CYP2J2: variants seen among roughly 807,000 people sequenced by gnomAD.
CYP2J2 encodes the protein cytochrome P450 family 2 subfamily J member 2, also known as cytochrome P450 2J2.
In CYP2J2, 41 loss-of-function variants were observed where a neutral mutation model predicts 48.8. That is an observed-to-expected ratio of 0.84 (90% confidence interval 0.66 to 1.09). CYP2J2 has a LOEUF of 1.09. CYP2J2 is among the 50% of genes least tolerant of loss of function. The pLI, the probability that CYP2J2 is intolerant of heterozygous loss-of-function variation, is 0.00. For missense variants in CYP2J2, 644 were observed against 617.3 expected (o/e 1.04, Z -0.46); for synonymous variants, 221 against 227.1 (o/e 0.97, Z 0.24).
chr1:59,952,003 T>C, the CYP2J2 span, among the ~76,000 whole-genome samples: 1 of 152,184 alleles, frequency 6.6e-6, no homozygotes, highest in Non-Finnish European at 1.5e-5. Context: ...GTCTGTTTTG[T>C]TCATTGTTGA....
chr1:59,933,916 A>G, the CYP2J2 span, among the ~76,000 whole-genome samples: 2 of 152,178 alleles, frequency 1.3e-5, no homozygotes, highest in Non-Finnish European at 2.9e-5. Flanking sequence ...CCTACAAAAG[A>G]CCCTGAAAAA....
chr1:59,936,195 G>A, the CYP2J2 span, among the ~76,000 whole-genome samples: 555 of 152,302 alleles, frequency 3.6e-3, 1 homozygote, highest in African/African-American at 0.012. Flanking sequence ...AGATGTAGGT[G>A]CTATTGTCTT....
upstream of CYP2J2, among the ~76,000 whole-genome samples, chr1:59,928,519 T>G (rs745316117): frequency 6.6e-6 from 1 of 152,202 alleles, no homozygotes; most frequent in Non-Finnish European, 1.5e-5. Context: ...AGCTCTCAAA[T>G]GAAGGCTACA....
the CYP2J2 span, among the ~76,000 whole-genome samples, chr1:59,934,284 A>G: frequency 6.6e-6 from 1 of 152,204 alleles, no homozygotes. Context: ...TAAAGCTCCT[A>G]GAAGAAAACA....
chr1:59,955,174 TAAAAA>T, the CYP2J2 span, among the ~76,000 whole-genome samples: 2 of 147,610 alleles, frequency 1.4e-5, no homozygotes, highest in African/African-American at 2.5e-5. Flanking sequence ...AATAAATAAT[TAAAAA>T]AATAAAAAAT....
intron 4 of CYP2J2, among the ~76,000 whole-genome samples, 196 bp from the exon 5 acceptor site, chr1:59,910,156 G>GA (rs1644399560): frequency 1.3e-5 from 2 of 151,806 alleles, no homozygotes; most frequent in African/African-American, 2.4e-5. Flanking sequence ...TCCAGCCTTG[G>GA]ACCATTTCTC....
intron 2 of CYP2J2, among the ~76,000 whole-genome samples, chr1:59,914,923 G>T (rs1834512): frequency 0.11 from 17,342 of 152,248 alleles, 1,209 homozygotes; most frequent in Admixed American, 0.17. Flanking sequence ...TTTGTTCAAT[G>T]CTGAGATAGG....
At chr1:59,916,834 A>T (rs904400704) in intron 1 of CYP2J2, among the ~76,000 whole-genome samples, 1 of 152,062 alleles carries the variant, frequency 6.6e-6, no homozygotes, top group African/African-American at 2.4e-5. Flanking sequence ...AACACTAATC[A>T]TGTCTCAGCC....
At chr1:59,910,107 C>A (rs1644399156) in intron 4 of CYP2J2, 147 bp from the exon 5 acceptor site, 3 of 618,394 alleles carry the variant, frequency 4.9e-6, no homozygotes, top group Middle Eastern at 3.5e-4. Context: ...TCTCTCTCAC[C>A]TCTCTAGCAA....
chr1:59,955,279 C>CAT, the CYP2J2 span, among the ~76,000 whole-genome samples: 4 of 103,968 alleles, frequency 3.8e-5, no homozygotes, highest in Non-Finnish European at 6.3e-5. Flanking sequence ...TATATATATC[C>CAT]ATATATATAT....
the CYP2J2 span, among the ~76,000 whole-genome samples, chr1:59,950,553 G>T: frequency 6.6e-6 from 1 of 152,278 alleles, no homozygotes; most frequent in African/African-American, 2.4e-5. Context: ...GCCATCTCTT[G>T]CAGTAATGAG....
the CYP2J2 span, among the ~76,000 whole-genome samples, chr1:59,934,001 A>G: frequency 6.6e-6 from 1 of 152,202 alleles, no homozygotes; most frequent in African/African-American, 2.4e-5. Context: ...TACAAACTAC[A>G]GTAACCAAAT....
chr1:59,899,094 A>C (rs1307238754), intron 8 of CYP2J2, among the ~76,000 whole-genome samples: 1 of 152,158 alleles, frequency 6.6e-6, no homozygotes, highest in Middle Eastern at 3.2e-3. Context: ...TCCTCTCATC[A>C]CGGTTGCAGC....
At chr1:59,934,991 TATATATATATATATATATATATAC>T in the CYP2J2 span, among the ~76,000 whole-genome samples, 1,236 of 36,726 alleles carry the variant, frequency 0.034, 35 homozygotes, top group African/African-American at 0.11. Flanking sequence ...GAAAATGGGA[TATATATATATATATATATATATAC>T]ATATATATAT....
the CYP2J2 span, among the ~76,000 whole-genome samples, chr1:59,942,898 C>G: frequency 6.6e-6 from 1 of 152,118 alleles, no homozygotes; most frequent in African/African-American, 2.4e-5. Context: ...CATAACCATC[C>G]TCTGAAGTAG....
upstream of CYP2J2, among the ~76,000 whole-genome samples, chr1:59,931,120 T>G (rs1367846893): frequency 6.6e-6 from 1 of 152,148 alleles, no homozygotes; most frequent in African/African-American, 2.4e-5. Flanking sequence ...GGCAAACTTT[T>G]ACTCCTAAAA....
chr1:59,922,964 T>A (rs559303957), intron 1 of CYP2J2, among the ~76,000 whole-genome samples: 1 of 152,278 alleles, frequency 6.6e-6, no homozygotes, highest in African/African-American at 2.4e-5. Flanking sequence ...CTCTGCTGAG[T>A]CTGTGAGCTG....
intron 4 of CYP2J2, 110 bp downstream of exon 4, chr1:59,911,498 G>A (rs1265855347): frequency 1.4e-6 from 1 of 709,136 alleles, no homozygotes; most frequent in Non-Finnish European, 2.3e-6. Context: ...AGTTTTGAAA[G>A]GTTATATTTT....
At chr1:59,898,823 T>A (rs540567529) in intron 8 of CYP2J2, among the ~76,000 whole-genome samples, 1 of 152,216 alleles carries the variant, frequency 6.6e-6, no homozygotes, top group Non-Finnish European at 1.5e-5. Context: ...TGGGCTGTTG[T>A]AATGATTAAA....
Sources: gnomAD v4.1 joint callset for allele counts (sites outside exome capture counted in the v4.1 genomes callset) on GRCh38, gnomAD v4.1.1 for gene constraint, MANE v1.5 for transcripts, NCBI Gene and HGNC (gene_info 2026-07-23, HGNC 2026-07-21) for gene names.